The following RIC1 variants were observed in gnomAD, a reference collection of about 807,000 sequenced individuals.
RIC1 encodes guanine nucleotide exchange factor subunit RIC1.
RIC1 carries 88 observed loss-of-function variants against 169.0 expected under a neutral mutation model. The observed-to-expected ratio is 0.52, with a 90% CI of 0.44 to 0.62. RIC1 has a LOEUF of 0.62. Among genes scored for constraint, RIC1 ranks in the 20% least tolerant of loss-of-function variants. The probability of loss-of-function intolerance (pLI) is 0.00; values close to 1 mark genes in which losing one functional copy is unlikely to be tolerated. For missense variants in RIC1, 1,877 were observed against 1,725.5 expected (o/e 1.09, Z -1.56); for synonymous variants, 790 against 601.5 (o/e 1.31, Z -4.59).
intron 1 of RIC1, among the ~76,000 whole-genome samples, chr9:5,647,443 A>G (rs1818572838): frequency 6.6e-6 from 1 of 152,220 alleles, no homozygotes; most frequent in African/African-American, 2.4e-5. Flanking sequence ...ATCCATGAAC[A>G]GAGGATATCT....
chr9:5,737,634 G>A (rs892068152), intron 7 of RIC1, among the ~76,000 whole-genome samples: 21 of 151,200 alleles, frequency 1.4e-4, no homozygotes, highest in African/African-American at 3.4e-4. Flanking sequence ...ACTGTTGACC[G>A]TTGAACAGCC....
chr9:5,750,763 G>GTT lies in RIC1; in HGVS notation c.1453-2430_1453-2429dup, dbSNP rs5896129. ...TGCCCTGAGTGTGCTTTCATGACCT[G>GTT]TTTTTTTTGTCACTGATCAGCTGCC... is the stretch of plus-strand genomic sequence containing the variant. On this transcript the variant is annotated intron_variant, in intron 12 of 25. Transcript: ENST00000414202. 1.6e-4 allele frequency among the ~76,000 whole-genome samples: 24 copies of GTT among 151,164 alleles called. No individual in the cohort carries two copies. In the East Asian group the frequency reaches 4.1e-3, roughly 26 times the overall value.
At chr9:5,729,870 G>A (rs1328952190) in intron 6 of RIC1, among the ~76,000 whole-genome samples, 2 of 151,562 alleles carry the variant, frequency 1.3e-5, no homozygotes, top group Non-Finnish European at 2.9e-5. Context: ...CCTATAAGGT[G>A]CATATATATT....
intron 3 of RIC1, among the ~76,000 whole-genome samples, chr9:5,711,147 A>G (rs957276204): frequency 6.6e-6 from 1 of 152,168 alleles, no homozygotes; most frequent in Admixed American, 6.6e-5. Context: ...TCGGATATAT[A>G]AAAAGAAGAT....
At chr9:5,725,889 G>A (rs1823944584) in intron 6 of RIC1, among the ~76,000 whole-genome samples, 1 of 152,156 alleles carries the variant, frequency 6.6e-6, no homozygotes, top group Admixed American at 6.5e-5. Context: ...TCTTAATCCT[G>A]AGTTCTAGTT....
chr9:5,724,134 A>G (rs1318817401), intron 6 of RIC1, among the ~76,000 whole-genome samples: 18 of 152,168 alleles, frequency 1.2e-4, no homozygotes, highest in Non-Finnish European at 1.5e-5. Context: ...CATTGAATCT[A>G]TAAATGACCT....
At chr9:5,720,850 A>C in intron 6 of RIC1, 100 bp downstream of exon 6, 4 of 1,100,214 alleles carry the variant, frequency 3.6e-6, no homozygotes, top group South Asian at 1.8e-5. Flanking sequence ...GTAAGATTTT[A>C]AGGGTTGTTA....
rs533371276 is a variant in RIC1, at chr9:5,732,468, T to C, written c.801T>C (p.Phe267=). ...ATAACAAGTATCGACTAATGGCATT[T>C]GGCTGTGTGAGGTATAATTGATGTA... ...AVNNKYRLMA[F]GCVSGSVQVY... Residue 267 remains phenylalanine, a synonymous_variant, in exon 7 of 26, where the codon TTT becomes TTC. Coordinates refer to ENST00000414202, the MANE Select transcript of RIC1 (RefSeq NM_020829.4). The C allele has an allele frequency of 7.8e-5, 125 of 1,610,000 alleles. 4 individuals carry two copies. In the South Asian group the frequency reaches 1.3e-3, roughly 16 times the overall value.
chr9:5,694,133 C>A (rs1274749543), intron 3 of RIC1, among the ~76,000 whole-genome samples: 1 of 152,166 alleles, frequency 6.6e-6, no homozygotes, highest in Non-Finnish European at 1.5e-5. Flanking sequence ...AAGAGCATAG[C>A]TACCTGAGGT....
intron 2 of RIC1, among the ~76,000 whole-genome samples, chr9:5,670,112 T>G (rs1366422242): frequency 6.6e-6 from 1 of 152,178 alleles, no homozygotes; most frequent in African/African-American, 2.4e-5. Flanking sequence ...ATACAGGAAA[T>G]TTTACTTTGC....
intron 1 of RIC1, 71 bp downstream of exon 1, chr9:5,629,524 C>T: frequency 6.8e-7 from 1 of 1,461,550 alleles, no homozygotes; most frequent in South Asian, 1.3e-5. Context: ...CCCCCAACTT[C>T]CACCCAGAGC....
At chr9:5,732,142 T>C (rs1824406440) in intron 6 of RIC1, among the ~76,000 whole-genome samples, 1 of 152,202 alleles carries the variant, frequency 6.6e-6, no homozygotes, top group Admixed American at 6.5e-5. Flanking sequence ...TTTAAATAAA[T>C]TAACTAGCAC....
At chr9:5,630,968 C>T (rs1323077556) in intron 1 of RIC1, among the ~76,000 whole-genome samples, 3 of 152,120 alleles carry the variant, frequency 2.0e-5, no homozygotes, top group Non-Finnish European at 4.4e-5. Flanking sequence ...TTGAATGTAA[C>T]AAATTTAGAC....
At chr9:5,747,155 T>C (rs1437631115) in intron 11 of RIC1, 147 bp from the exon 12 acceptor site, 3 of 636,674 alleles carry the variant, frequency 4.7e-6, no homozygotes, top group Non-Finnish European at 8.3e-6. Flanking sequence ...GTGTAGTCTT[T>C]GTCCTCTGTG....
At chr9:5,658,951 T>C (rs948921348) in intron 2 of RIC1, among the ~76,000 whole-genome samples, 5 of 152,104 alleles carry the variant, frequency 3.3e-5, no homozygotes, top group African/African-American at 1.2e-4. Context: ...TTTTCAAATA[T>C]GAATTATGTA....
intron 6 of RIC1, 121 bp downstream of exon 6, chr9:5,720,871 C>G (rs1037143671): frequency 1.2e-6 from 1 of 859,548 alleles, no homozygotes. Context: ...ATTTTTTAAT[C>G]AAACCAAACA....
chr9:5,748,064 A>C (rs1198047739), intron 12 of RIC1, among the ~76,000 whole-genome samples: 2 of 152,230 alleles, frequency 1.3e-5, no homozygotes, highest in Non-Finnish European at 2.9e-5. Flanking sequence ...TCTCACAGTA[A>C]TTCTGATAAA....
At chr9:5,685,182 G>T (rs557433334) in intron 2 of RIC1, among the ~76,000 whole-genome samples, 1 of 150,142 alleles carries the variant, frequency 6.7e-6, no homozygotes, top group Admixed American at 6.6e-5. Context: ...AATCAATATC[G>T]TGAAAATGGC....
intron 1 of RIC1, among the ~76,000 whole-genome samples, chr9:5,647,034 A>C (rs1586874469): frequency 6.6e-6 from 1 of 152,182 alleles, no homozygotes; most frequent in South Asian, 2.1e-4. Context: ...GTGGATATCC[A>C]GTTTTCCCAG....
Sources: allele counts gnomAD v4.1 joint callset (sites outside exome capture counted in the v4.1 genomes callset), GRCh38; gene constraint gnomAD v4.1.1; transcripts MANE v1.5; gene names NCBI Gene and HGNC (gene_info 2026-07-23, HGNC 2026-07-21).